CADM2: variants seen among roughly 807,000 people sequenced by gnomAD.
CADM2 encodes the protein immunoglobulin superfamily member 4D.
A neutral mutation model predicts 49.8 loss-of-function variants in CADM2; 12 were observed. That is an observed-to-expected ratio of 0.24 (90% CI 0.15 to 0.39). CADM2 has a LOEUF of 0.39. Ranked by LOEUF, CADM2 falls within the 10% of genes least tolerant of loss-of-function variation. The pLI is 1.00. For missense variants in CADM2, 378 were observed against 492.3 expected, an observed-to-expected ratio of 0.77 and a Z score of 2.20; for synonymous variants, 214 against 175.4, an observed-to-expected ratio of 1.22 and a Z score of -1.74.
rs753783135 is a variant in CADM2 at position 85,597,096 on chromosome 3, A to G, written c.62-129426A>G. Among the ~76,000 whole-genome samples, 3 of 152,082 alleles carry G rather than the reference A, an allele frequency of 2.0e-5. No homozygotes were observed. In the South Asian group the frequency reaches 6.2e-4, roughly 32 times the overall value. ...CTTTGTAGATTAACTAAGGCCTTCT[A>G]TTGCTAAGGATTTCAGTAGTATATG... On this transcript the variant is annotated intron_variant, in intron 1 of 9. Coordinates refer to ENST00000383699, the MANE Select transcript of CADM2 (RefSeq NM_001167675.2).
At chr3:85,159,867 T>C (rs1159510796) in intron 1 of CADM2, among the ~76,000 whole-genome samples, 3 of 152,170 alleles carry the variant, frequency 2.0e-5, no homozygotes, top group Non-Finnish European at 4.4e-5. Context: ...CATATGAAAA[T>C]TGGAATAACT....
At chr3:85,632,865 A>G (rs771327246) in intron 1 of CADM2, among the ~76,000 whole-genome samples, 1 of 152,114 alleles carries the variant, frequency 6.6e-6, no homozygotes, top group African/African-American at 2.4e-5. Flanking sequence ...TGACTATTAT[A>G]CCATTTTCAA....
At chr3:85,863,419 T>C (rs1425145479) in intron 3 of CADM2, among the ~76,000 whole-genome samples, 4 of 152,064 alleles carry the variant, frequency 2.6e-5, no homozygotes, top group Non-Finnish European at 4.4e-5. Flanking sequence ...GTAATTGCAT[T>C]GGGAGATGAG....
At position 85,746,215 on chromosome 3, in the gene CADM2, A is replaced by C. The variant is rs182895245; in HGVS notation, c.88+19667A>C. On this transcript the variant is annotated intron_variant, in intron 2 of 9. Coordinates refer to ENST00000383699, the MANE Select transcript of CADM2 (RefSeq NM_001167675.2). Reference sequence around the variant, plus strand: ...AATAACATCAAAAGCCACTGAGGTAAAAATTGCTTGGGCTTTTAACAAGCA... The same window carrying C: ...AATAACATCAAAAGCCACTGAGGTACAAATTGCTTGGGCTTTTAACAAGCA... Among the ~76,000 whole-genome samples the C allele has an allele frequency of 1.1e-3, 168 of 152,082 alleles. 1 individual carries two copies. The highest frequency in any genetic ancestry group is 1.7e-3 in the Admixed American group (26 of 15,238).
At chr3:85,426,089 G>A (rs889316350) in intron 1 of CADM2, among the ~76,000 whole-genome samples, 4 of 151,904 alleles carry the variant, frequency 2.6e-5, no homozygotes, top group Non-Finnish European at 4.4e-5. Context: ...CAACAACCAT[G>A]TGCAGGCATA....
chr3:85,804,897 T>C (rs1483888329), intron 3 of CADM2, among the ~76,000 whole-genome samples: 1 of 152,168 alleles, frequency 6.6e-6, no homozygotes, highest in Non-Finnish European at 1.5e-5. Context: ...TACACTGCCT[T>C]GAAATAATAA....
intron 1 of CADM2, among the ~76,000 whole-genome samples, chr3:85,038,118 A>G (rs1423139953): frequency 2.8e-4 from 43 of 152,150 alleles, no homozygotes; most frequent in Non-Finnish European, 2.2e-4. Flanking sequence ...TGATTCCATA[A>G]TTTCCTTAAC....
chr3:85,387,023 C>T (rs1207511219), intron 1 of CADM2, among the ~76,000 whole-genome samples: 2 of 152,124 alleles, frequency 1.3e-5, no homozygotes, highest in African/African-American at 2.4e-5. Flanking sequence ...CCTCCTGGCT[C>T]AGTCTGGGTT....
chr3:85,680,623 A>C (rs1050626341), intron 1 of CADM2, among the ~76,000 whole-genome samples: 5 of 152,202 alleles, frequency 3.3e-5, no homozygotes, highest in Non-Finnish European at 7.3e-5. Context: ...ATAAAATTTA[A>C]AAATATATAC....
intron 8 of CADM2, among the ~76,000 whole-genome samples, chr3:86,005,081 C>T (rs1423958807): frequency 1.3e-5 from 2 of 152,154 alleles, no homozygotes. Flanking sequence ...CAGCACCACA[C>T]TCAGAAGAGC....
intron 1 of CADM2, among the ~76,000 whole-genome samples, chr3:85,676,190 C>A (rs896682970): frequency 1.3e-5 from 2 of 152,128 alleles, no homozygotes; most frequent in Non-Finnish European, 2.9e-5. Context: ...TTCCATGTAG[C>A]CTTCGTCCTT....
chr3:85,920,569 A>AT (rs1419190376), intron 6 of CADM2, among the ~76,000 whole-genome samples: 27 of 151,684 alleles, frequency 1.8e-4, no homozygotes, highest in African/African-American at 6.3e-4. Flanking sequence ...AAAATTTTTA[A>AT]TTTTTTTCAG....
At chr3:85,956,620 A>G (rs917932559) in intron 7 of CADM2, among the ~76,000 whole-genome samples, 3 of 150,712 alleles carry the variant, frequency 2.0e-5, no homozygotes, top group African/African-American at 4.9e-5. Flanking sequence ...CTGTTAACCA[A>G]TTTTGTAGAT....
At chr3:85,781,184 T>A (rs990893659) in intron 2 of CADM2, among the ~76,000 whole-genome samples, 5 of 152,186 alleles carry the variant, frequency 3.3e-5, no homozygotes, top group African/African-American at 9.6e-5. Context: ...GGCATCCCCA[T>A]CTATTCTATC....
chr3:84,996,292 C>T (rs962618898), intron 1 of CADM2, among the ~76,000 whole-genome samples: 2 of 151,782 alleles, frequency 1.3e-5, no homozygotes, highest in African/African-American at 2.4e-5. Context: ...GTTAAATTGC[C>T]TCTATGTTTA....
chr3:85,517,819 TCTTA>T (rs973934217), intron 1 of CADM2, among the ~76,000 whole-genome samples: 2 of 152,214 alleles, frequency 1.3e-5, no homozygotes, highest in Non-Finnish European at 2.9e-5. Context: ...AAATATAATT[TCTTA>T]CTTATTATTT....
intron 1 of CADM2, among the ~76,000 whole-genome samples, chr3:85,479,177 C>T (rs1002287744): frequency 6.6e-6 from 1 of 151,844 alleles, no homozygotes; most frequent in Non-Finnish European, 1.5e-5. Context: ...TAGTGTCCAA[C>T]TCCTGTAATC....
intron 1 of CADM2, among the ~76,000 whole-genome samples, chr3:85,048,260 T>C (rs555829115): frequency 5.3e-5 from 8 of 152,274 alleles, no homozygotes; most frequent in Middle Eastern, 6.8e-3. Flanking sequence ...TCTTAAAGAA[T>C]CAATAAGAGT....
intron 5 of CADM2, among the ~76,000 whole-genome samples, chr3:85,909,428 A>G (rs931070734): frequency 6.7e-6 from 1 of 149,710 alleles, no homozygotes; most frequent in East Asian, 2.0e-4. Flanking sequence ...ATAATGTCCA[A>G]TGGAAGTTTT....
Sources: allele counts gnomAD v4.1 joint callset (sites outside exome capture counted in the v4.1 genomes callset), GRCh38; gene constraint gnomAD v4.1.1; transcripts MANE v1.5; gene names NCBI Gene and HGNC (gene_info 2026-07-23, HGNC 2026-07-21).